Variants in ABCB7 observed in about 807,000 individuals in gnomAD.
ABCB7 encodes iron-sulfur clusters transporter ABCB7, mitochondrial.
In ABCB7, 7 loss-of-function variants were observed where a neutral mutation model predicts 54.4. That is an observed-to-expected ratio of 0.13 (90% CI 0.07 to 0.24). ABCB7 has a LOEUF of 0.24. Among genes scored for constraint, ABCB7 ranks in the 10% least tolerant of loss-of-function variants. The pLI, the probability that ABCB7 is intolerant of heterozygous loss-of-function variation, is 1.00. For missense variants in ABCB7, 356 were observed against 570.4 expected (o/e 0.62, Z 3.83); for synonymous variants, 218 against 207.1 (o/e 1.05, Z -0.45).
intron 8 of ABCB7, 71 bp downstream of exon 8, chrX:75,073,618 A>G: frequency 1.2e-6 from 1 of 829,843 alleles, no homozygotes; most frequent in Admixed American, 2.2e-5. Context: ...TACAGTACCT[A>G]TTAAATTAAA....
intron 1 of ABCB7, among the ~76,000 whole-genome samples, chrX:75,148,388 C>A (rs1006278135): frequency 6.5e-5 from 7 of 108,274 alleles, no homozygotes; most frequent in African/African-American, 2.4e-4. Flanking sequence ...CCCCCCCCAA[C>A]CCCCGAGGTA....
At chrX:75,136,789 G>C (rs1385609328) in intron 1 of ABCB7, among the ~76,000 whole-genome samples, 1 of 112,236 alleles carries the variant, frequency 8.9e-6, no homozygotes, top group Non-Finnish European at 1.9e-5. Context: ...AATGGGGAAA[G>C]GATTTTCTAT....
chrX:75,124,295 C>A (rs2081905855), intron 1 of ABCB7, among the ~76,000 whole-genome samples: 1 of 112,001 alleles, frequency 8.9e-6, no homozygotes, highest in African/African-American at 3.2e-5. Flanking sequence ...ACCAAATGTT[C>A]ACATCTCTGG....
intron 1 of ABCB7, among the ~76,000 whole-genome samples, chrX:75,151,894 T>C (rs1251054166): frequency 8.9e-6 from 1 of 112,025 alleles, no homozygotes; most frequent in Non-Finnish European, 1.9e-5. Flanking sequence ...AAAAATCTTT[T>C]AAGTCATCTG....
intron 4 of ABCB7, among the ~76,000 whole-genome samples, chrX:75,092,256 C>A (rs1005237528): frequency 9.0e-6 from 1 of 110,651 alleles, no homozygotes; most frequent in African/African-American, 3.3e-5. Context: ...GAAGAGACAG[C>A]ACAAAAATGG....
chrX:75,135,261 C>T (rs2082001821), intron 1 of ABCB7, among the ~76,000 whole-genome samples: 1 of 110,189 alleles, frequency 9.1e-6, no homozygotes. Flanking sequence ...CATACAACCT[C>T]CCAAGATTGA....
intron 3 of ABCB7, 109 bp from the exon 4 acceptor site, chrX:75,099,170 A>G: frequency 1.1e-6 from 1 of 895,750 alleles, no homozygotes; most frequent in Non-Finnish European, 1.5e-6. Context: ...AACATTACAA[A>G]TATAACTTTT....
In ABCB7 at chrX:75,068,483, G is replaced by A. The variant is rs4148840; in HGVS notation, c.1659+524C>T. On this transcript the variant is annotated intron_variant, in intron 12 of 15. Coordinates refer to ENST00000373394, the MANE Select transcript of ABCB7 (RefSeq NM_001271696.3). ...TAACATGGGTTCGGCACTGTGTTTCGTACTGAGGGCAGAGTGGTTAACAAG... is the reference window on the plus strand; with the variant it reads ...TAACATGGGTTCGGCACTGTGTTTCATACTGAGGGCAGAGTGGTTAACAAG... Among the ~76,000 whole-genome samples the A allele has an allele frequency of 3.6e-4, 40 of 111,886 alleles. No homozygotes were observed. In the East Asian group the frequency reaches 0.01, roughly 28 times the overall value.
At chrX:75,115,309 T>C (rs371131762) in intron 1 of ABCB7, among the ~76,000 whole-genome samples, 1 of 35,562 alleles carries the variant, frequency 2.8e-5, no homozygotes, top group Non-Finnish European at 5.3e-5. Flanking sequence ...ATGACAAAAA[T>C]AAAATTTGTG....
rs759428235 is a variant in ABCB7, at chrX:75,070,226, A to G, written c.1365+139T>C. 1.1e-4 allele frequency: 70 copies of G among 628,130 alleles called. No homozygotes were observed. In the African/African-American group the frequency reaches 1.5e-3, roughly 13 times the overall value. The allele number at this position is 628,130 out of a possible 1,213,427, so 51.8% of individuals were successfully genotyped here. A position where few individuals can be genotyped will look rare whatever the true frequency, so the allele number is the denominator to read the frequency against. ...CTAACAACCTCTTAATACAGGTGATAGCACCCCCACCCCTGACAATTCCTG... is the reference window on the plus strand; with the variant it reads ...CTAACAACCTCTTAATACAGGTGATGGCACCCCCACCCCTGACAATTCCTG... On this transcript the variant is annotated intron_variant, in intron 10 of 15. Transcript: ENST00000373394.
intron 4 of ABCB7, among the ~76,000 whole-genome samples, chrX:75,091,557 C>G (rs2081543905): frequency 9.0e-6 from 1 of 110,745 alleles, no homozygotes; most frequent in Admixed American, 9.6e-5. Context: ...ATATTCAACA[C>G]TGTACTAGAA....
At chrX:75,124,711 T>C (rs908460013) in intron 1 of ABCB7, among the ~76,000 whole-genome samples, 1 of 111,946 alleles carries the variant, frequency 8.9e-6, no homozygotes, top group Admixed American at 9.5e-5. Context: ...CACAATAATT[T>C]CATTGAGCTG....
chrX:75,070,689 GAACTTAGT>G (rs2081356978), intron 9 of ABCB7, among the ~76,000 whole-genome samples, 167 bp from the exon 10 acceptor site: 1 of 110,853 alleles, frequency 9.0e-6, no homozygotes, highest in African/African-American at 3.3e-5. Flanking sequence ...GTAATACAGG[GAACTTAGT>G]ATACGTTAGG....
intron 1 of ABCB7, among the ~76,000 whole-genome samples, chrX:75,147,508 C>T (rs2082100406): frequency 1.8e-5 from 2 of 111,489 alleles, no homozygotes; most frequent in South Asian, 7.5e-4. Context: ...AACAAAATCA[C>T]GTCCTTTGCA....
At chrX:75,100,742 C>T (rs1254290816) in intron 3 of ABCB7, among the ~76,000 whole-genome samples, 1 of 111,943 alleles carries the variant, frequency 8.9e-6, no homozygotes, top group Admixed American at 9.5e-5. Context: ...CACTCTCCTG[C>T]ACATTCCACA....
Position 75,060,285 on chromosome X carries a change from T to C in ABCB7, c.1981A>G (p.Ile661Val). ...GTTGACAATCTGTGTGCAATGAAAA[T>C]AGAAGTTCTGTGTTTGACCACATCC... ...MKDVVKHRTS[I>V]FIAHRLSTVV... Residue 661 changes from isoleucine to valine, a missense_variant, in exon 15 of 16, where the codon ATT becomes GTT. Coordinates refer to ENST00000373394, the MANE Select transcript of ABCB7 (RefSeq NM_001271696.3). The C allele has an allele frequency of 1.7e-6, 2 of 1,211,131 alleles. No individual in the cohort carries two copies. Among genetic ancestry groups the C allele is most frequent in the Non-Finnish European group, 2.2e-6 (2 of 894,888 alleles).
chrX:75,094,050 A>ATATATATATATATC (rs1314153062), intron 4 of ABCB7, among the ~76,000 whole-genome samples: 2 of 20,476 alleles, frequency 9.8e-5, no homozygotes, highest in African/African-American at 1.4e-4. Flanking sequence ...ATATATATAT[A>ATATATATATATATC]TATCTATCTT....
intron 3 of ABCB7, among the ~76,000 whole-genome samples, chrX:75,103,203 C>T (rs941212719): frequency 2.7e-5 from 3 of 111,298 alleles, no homozygotes; most frequent in African/African-American, 9.8e-5. Flanking sequence ...AGACCAATGT[C>T]CTAAAGTATT....
At chrX:75,137,465 T>C (rs1323737069) in intron 1 of ABCB7, among the ~76,000 whole-genome samples, 1 of 112,256 alleles carries the variant, frequency 8.9e-6, no homozygotes, top group African/African-American at 3.2e-5. Context: ...GTGGAAAGCA[T>C]TCTGGAGATT....
Sources: gnomAD v4.1 joint callset for allele counts (sites outside exome capture counted in the v4.1 genomes callset) on GRCh38, gnomAD v4.1.1 for gene constraint, MANE v1.5 for transcripts, NCBI Gene and HGNC (gene_info 2026-07-23, HGNC 2026-07-21) for gene names.